VEPH1: variants seen among roughly 807,000 people sequenced by gnomAD.
VEPH1 encodes the protein ventricular zone-expressed PH domain-containing protein homolog 1.
A neutral mutation model predicts 85.2 loss-of-function variants in VEPH1; 80 were observed. The observed-to-expected ratio is 0.94, with a 90% confidence interval of 0.78 to 1.13. The LOEUF is 1.13. VEPH1 is among the 50% of genes most tolerant of loss of function. VEPH1 has a pLI of 0.00. For missense variants in VEPH1, 955 were observed against 980.5 expected, an observed-to-expected ratio of 0.97 and a Z score of 0.35; for synonymous variants, 297 against 348.0, an observed-to-expected ratio of 0.85 and a Z score of 1.63.
At chr3:157,286,854 C>G (rs143800755) in intron 11 of VEPH1, among the ~76,000 whole-genome samples, 180 bp from the exon 12 acceptor site, 132 of 152,318 alleles carry the variant, frequency 8.7e-4, no homozygotes, top group Non-Finnish European at 1.6e-3. Context: ...TTCAGCTAAA[C>G]TTTTCCAGAA....
intron 2 of VEPH1, among the ~76,000 whole-genome samples, chr3:157,486,324 C>T (rs1005757230): frequency 8.6e-5 from 13 of 151,790 alleles, no homozygotes; most frequent in East Asian, 1.9e-4. Context: ...GGTGAAACCC[C>T]GTCTATACTG....
rs138738527 is a variant in VEPH1 at position 157,366,772 on chromosome 3, A to T, written c.1128-2260T>A. Among the ~76,000 whole-genome samples, 138 of 152,228 alleles carry T rather than the reference A, an allele frequency of 9.1e-4. 1 individual carries two copies. The highest frequency in any genetic ancestry group is 3.1e-3 in the African/African-American group (129 of 41,552). ...ACAACAACAACAAAAACAAACAACA[A>T]CAACAACAAAAAACACTACTTTTTA... On this transcript the variant is annotated intron_variant, in intron 7 of 13. Transcript: ENST00000362010.
chr3:157,308,860 T>G (rs914608246), intron 11 of VEPH1, among the ~76,000 whole-genome samples: 5 of 152,164 alleles, frequency 3.3e-5, no homozygotes, highest in Non-Finnish European at 5.9e-5. Flanking sequence ...ATGATAATAA[T>G]AATGCTGTCT....
At chr3:157,477,816 T>C (rs560657451) in intron 2 of VEPH1, among the ~76,000 whole-genome samples, 3 of 152,166 alleles carry the variant, frequency 2.0e-5, no homozygotes, top group Non-Finnish European at 4.4e-5. Context: ...AAGCTAATGC[T>C]GGGCCCGAAG....
At chr3:157,348,016 G>T (rs1724433277) in intron 9 of VEPH1, among the ~76,000 whole-genome samples, 1 of 152,202 alleles carries the variant, frequency 6.6e-6, no homozygotes, top group Non-Finnish European at 1.5e-5. Context: ...CACACTGGGG[G>T]TCCATCTTCA....
chr3:157,376,179 A>G (rs1191191546), intron 7 of VEPH1, among the ~76,000 whole-genome samples: 1 of 151,792 alleles, frequency 6.6e-6, no homozygotes, highest in East Asian at 1.9e-4. Context: ...TCTCTCCACA[A>G]TTTCCATCCC....
intron 9 of VEPH1, among the ~76,000 whole-genome samples, chr3:157,335,407 C>CA (rs1356508488): frequency 6.6e-6 from 1 of 150,452 alleles, no homozygotes; most frequent in Non-Finnish European, 1.5e-5. Flanking sequence ...AAACAAAGAA[C>CA]AAAAAACAAC....
rs1049253201 is a variant in VEPH1, at chr3:157,502,853, T to G, written c.-158+424A>C. ...ACCCTGTTCAACCCACTGACTGTAA[T>G]GATGCTATAATATTTAATTTTCTTT... is the stretch of plus-strand genomic sequence containing the variant. On this transcript the variant is annotated intron_variant, in intron 1 of 13. Coordinates refer to ENST00000362010, the MANE Select transcript of VEPH1 (RefSeq NM_001167912.2). Among the ~76,000 whole-genome samples the G allele has an allele frequency of 3.3e-5, 5 of 152,334 alleles. No individual in the cohort carries two copies. In the East Asian group the frequency reaches 9.6e-4, roughly 29 times the overall value.
chr3:157,381,425 TC>T, intron 6 of VEPH1, 49 bp from the exon 7 acceptor site: 1 of 1,592,642 alleles, frequency 6.3e-7, no homozygotes, highest in Non-Finnish European at 8.6e-7. Flanking sequence ...AAGAAAATCA[TC>T]CAGGCATGGT....
chr3:157,455,579 C>T (rs1735308777), intron 4 of VEPH1, among the ~76,000 whole-genome samples: 1 of 152,008 alleles, frequency 6.6e-6, no homozygotes, highest in East Asian at 1.9e-4. Context: ...CTTTTCCCAC[C>T]CTTCACCCTC....
At chr3:157,490,536 T>C (rs1739133142) in intron 2 of VEPH1, among the ~76,000 whole-genome samples, 1 of 152,036 alleles carries the variant, frequency 6.6e-6, no homozygotes, top group African/African-American at 2.4e-5. Flanking sequence ...TCAACCTTGG[T>C]AATAATGAGA....
At chr3:157,276,894 A>T (rs996562177) in intron 12 of VEPH1, among the ~76,000 whole-genome samples, 4 of 141,622 alleles carry the variant, frequency 2.8e-5, no homozygotes, top group Non-Finnish European at 6.1e-5. Flanking sequence ...GAAGAAGATA[A>T]TTTTTTTTTT....
intron 4 of VEPH1, chr3:157,437,414 G>A (rs1434247358): frequency 7.1e-7 from 1 of 1,410,768 alleles, no homozygotes; most frequent in East Asian, 2.5e-5. Flanking sequence ...TGCCAGGAAC[G>A]GGCTGCAACT....
intron 7 of VEPH1, among the ~76,000 whole-genome samples, chr3:157,367,781 G>T (rs1029976974): frequency 6.6e-5 from 10 of 152,124 alleles, no homozygotes; most frequent in Non-Finnish European, 1.5e-4. Context: ...GAGTAGCTGG[G>T]ACTACAGGTG....
intron 6 of VEPH1, among the ~76,000 whole-genome samples, chr3:157,382,651 T>A (rs1728900256): frequency 6.6e-6 from 1 of 152,170 alleles, no homozygotes; most frequent in Non-Finnish European, 1.5e-5. Flanking sequence ...TCACAATCCT[T>A]CTGACTAACT....
chr3:157,349,725 C>A (rs377345498), intron 9 of VEPH1, among the ~76,000 whole-genome samples: 1 of 151,472 alleles, frequency 6.6e-6, no homozygotes, highest in African/African-American at 2.4e-5. Context: ...TATACACAAA[C>A]AATGAATTAG....
intron 2 of VEPH1, among the ~76,000 whole-genome samples, chr3:157,478,767 T>G (rs919077579): frequency 1.3e-5 from 2 of 152,212 alleles, no homozygotes; most frequent in African/African-American, 2.4e-5. Context: ...CTTCACATTG[T>G]TCATAACTGC....
intron 2 of VEPH1, among the ~76,000 whole-genome samples, chr3:157,487,259 T>G (rs1166286121): frequency 6.6e-6 from 1 of 151,954 alleles, no homozygotes; most frequent in Non-Finnish European, 1.5e-5. Flanking sequence ...TTTGAAAATA[T>G]GGGTAAGATA....
At chr3:157,427,614 C>T (rs1015199604) in intron 5 of VEPH1, among the ~76,000 whole-genome samples, 4 of 152,082 alleles carry the variant, frequency 2.6e-5, no homozygotes, top group African/African-American at 7.2e-5. Context: ...TCCTCCATGC[C>T]CTGCTAATTT....
Sources: gnomAD v4.1 joint callset for allele counts (sites outside exome capture counted in the v4.1 genomes callset) on GRCh38, gnomAD v4.1.1 for gene constraint, MANE v1.5 for transcripts, NCBI Gene and HGNC (gene_info 2026-07-23, HGNC 2026-07-21) for gene names.